Variants in KCNMB2 observed in about 807,000 individuals in gnomAD.
KCNMB2 encodes the protein calcium-activated potassium channel subunit beta-2.
Under a neutral mutation model 24.5 loss-of-function variants are expected in KCNMB2, and 9 were observed. The ratio of observed to expected loss-of-function variants is 0.37; its 90% CI spans 0.22 to 0.64. KCNMB2 has a LOEUF of 0.64. Ranked by LOEUF, KCNMB2 falls within the 30% of genes least tolerant of loss-of-function variation. The pLI is 0.63. For missense variants in KCNMB2, 226 were observed against 284.3 expected, an observed-to-expected ratio of 0.79 and a Z score of 1.47; for synonymous variants, 109 against 104.4, an observed-to-expected ratio of 1.04 and a Z score of -0.27.
chr3:178,692,455 T>A (rs972870665), intron 1 of KCNMB2, among the ~76,000 whole-genome samples: 16 of 152,246 alleles, frequency 1.1e-4, no homozygotes, highest in African/African-American at 3.9e-4. Context: ...TTCAATCTTC[T>A]GCATTTGGCT....
chr3:178,732,706 T>C (rs572068296), intron 1 of KCNMB2, among the ~76,000 whole-genome samples: 1 of 152,340 alleles, frequency 6.6e-6, no homozygotes, highest in South Asian at 2.1e-4. Flanking sequence ...ATAATGTATA[T>C]TATATAAAGT....
chr3:178,579,460 C>G (rs1222165482), intron 1 of KCNMB2, among the ~76,000 whole-genome samples: 1 of 152,022 alleles, frequency 6.6e-6, no homozygotes. Flanking sequence ...ATTAAAAGAA[C>G]TAGAGAAGCA....
At chr3:178,714,085 A>T (rs955674632) in intron 1 of KCNMB2, among the ~76,000 whole-genome samples, 80 of 152,126 alleles carry the variant, frequency 5.3e-4, no homozygotes, top group Non-Finnish European at 7.3e-5. Flanking sequence ...ACTTGGTATT[A>T]ATTTTTCAAG....
intron 1 of KCNMB2, among the ~76,000 whole-genome samples, chr3:178,621,833 A>G (rs1718935004): frequency 6.6e-6 from 1 of 152,174 alleles, no homozygotes; most frequent in African/African-American, 2.4e-5. Flanking sequence ...TAACTATGGA[A>G]TTTGGAAGTG....
intron 1 of KCNMB2, among the ~76,000 whole-genome samples, chr3:178,543,212 C>G (rs1715677519): frequency 6.6e-6 from 1 of 152,190 alleles, no homozygotes; most frequent in Admixed American, 6.5e-5. Context: ...AAATGTATGA[C>G]ATTTGCTCAC....
At chr3:178,731,828 G>A (rs1164998247) in intron 1 of KCNMB2, among the ~76,000 whole-genome samples, 2 of 152,212 alleles carry the variant, frequency 1.3e-5, no homozygotes, top group Admixed American at 6.5e-5. Context: ...GCTTGATCCC[G>A]TGGGGCAGAG....
intron 1 of KCNMB2, among the ~76,000 whole-genome samples, chr3:178,801,208 A>C (rs35657911): frequency 0.1 from 15,961 of 152,202 alleles, 949 homozygotes; most frequent in Non-Finnish European, 0.13. Flanking sequence ...ACACGATGAA[A>C]TGATAAATGC....
intron 1 of KCNMB2, among the ~76,000 whole-genome samples, chr3:178,571,452 ATATATATATATATATATATAT>A (rs1716784431): frequency 2.8e-5 from 1 of 35,096 alleles, no homozygotes. Flanking sequence ...TTATGGATAT[ATATATATATATATATATATAT>A]ATATATATAT....
At chr3:178,576,395 T>A (rs913308205) in intron 1 of KCNMB2, among the ~76,000 whole-genome samples, 3 of 152,104 alleles carry the variant, frequency 2.0e-5, no homozygotes, top group African/African-American at 7.2e-5. Flanking sequence ...GACCGGGGTT[T>A]CAAGCAGAAA....
Position 178,709,984 on chromosome 3 carries a change from AC to A in KCNMB2, c.-67-97357del, listed in dbSNP as rs1483995097. On this transcript the variant is annotated intron_variant, in intron 1 of 4. Coordinates refer to ENST00000452583, the MANE Select transcript of KCNMB2 (RefSeq NM_181361.3). ...GAGCCCAGGATCAACAGCAATTTAT[AC>A]CGAGCACTTAAATCTCAGTCTAAGC... 3.9e-5 allele frequency among the ~76,000 whole-genome samples: 6 copies of A among 152,146 alleles called. No homozygotes were observed. In the East Asian group the frequency reaches 1.2e-3, roughly 29 times the overall value.
At chr3:178,679,515 C>G (rs2108592581) in intron 1 of KCNMB2, among the ~76,000 whole-genome samples, 1 of 152,340 alleles carries the variant, frequency 6.6e-6, no homozygotes, top group African/African-American at 2.4e-5. Context: ...TTCCAACTGT[C>G]TGTTGGGGCT....
intron 1 of KCNMB2, among the ~76,000 whole-genome samples, chr3:178,740,003 C>A (rs1190955948): frequency 2.0e-5 from 3 of 152,140 alleles, no homozygotes; most frequent in Admixed American, 1.3e-4. Context: ...CTTGACAAAT[C>A]TTCCTATTTT....
intron 1 of KCNMB2, among the ~76,000 whole-genome samples, chr3:178,802,699 AT>A (rs1183039501): frequency 6.6e-6 from 1 of 152,166 alleles, no homozygotes; most frequent in African/African-American, 2.4e-5. Context: ...AGGCACCAGT[AT>A]TTTTTAAAAT....
intron 1 of KCNMB2, among the ~76,000 whole-genome samples, chr3:178,757,718 ATG>A (rs1156267996): frequency 4.9e-5 from 4 of 81,580 alleles, no homozygotes; most frequent in Non-Finnish European, 9.5e-5. Flanking sequence ...GGATATATAT[ATG>A]TATATATATC....
intron 1 of KCNMB2, among the ~76,000 whole-genome samples, chr3:178,741,812 T>C (rs1338240773): frequency 6.6e-6 from 1 of 152,214 alleles, no homozygotes; most frequent in Non-Finnish European, 1.5e-5. Flanking sequence ...CTTGCCCTTA[T>C]GAACTATTTA....
chr3:178,629,866 C>T (rs1719252562), intron 1 of KCNMB2, among the ~76,000 whole-genome samples: 1 of 152,122 alleles, frequency 6.6e-6, no homozygotes, highest in South Asian at 2.1e-4. Flanking sequence ...CCCTACATAC[C>T]TCCATACTTT....
At chr3:178,608,388 T>C (rs1397262119) in intron 1 of KCNMB2, among the ~76,000 whole-genome samples, 1 of 83,240 alleles carries the variant, frequency 1.2e-5, no homozygotes, top group Admixed American at 1.5e-4. Flanking sequence ...TAATTTATCC[T>C]TTTTTTAATT....
chr3:178,821,248 C>T (rs1714613978), intron 2 of KCNMB2, among the ~76,000 whole-genome samples: 1 of 152,048 alleles, frequency 6.6e-6, no homozygotes, highest in African/African-American at 2.4e-5. Flanking sequence ...TACATGGTAA[C>T]TCACACATTA....
chr3:178,625,962 T>C (rs935654935), intron 1 of KCNMB2, among the ~76,000 whole-genome samples: 5 of 152,206 alleles, frequency 3.3e-5, no homozygotes, highest in African/African-American at 1.2e-4. Context: ...TCATTTATTA[T>C]ACAGTGAAAT....
Sources: allele counts gnomAD v4.1 joint callset (sites outside exome capture counted in the v4.1 genomes callset), GRCh38; gene constraint gnomAD v4.1.1; transcripts MANE v1.5; gene names NCBI Gene and HGNC (gene_info 2026-07-23, HGNC 2026-07-21).